AGTPBP1: variants seen among roughly 807,000 people sequenced by gnomAD.
The protein encoded by AGTPBP1 is cytosolic carboxypeptidase 1.
In AGTPBP1, 70 loss-of-function variants were observed where a neutral mutation model predicts 143.9. The observed-to-expected ratio is 0.49, with a 90% CI of 0.40 to 0.59. AGTPBP1 has a LOEUF of 0.59. Among genes scored for constraint, AGTPBP1 ranks in the 20% least tolerant of loss-of-function variants. AGTPBP1 has a pLI of 0.00. For missense variants in AGTPBP1, 1,229 were observed against 1,464.5 expected, an observed-to-expected ratio of 0.84 and a Z score of 2.62; for synonymous variants, 463 against 500.2, an observed-to-expected ratio of 0.93 and a Z score of 0.99.
In AGTPBP1 at chr9:85,712,697, C is replaced by G. The variant is rs41310075; in HGVS notation, c.-33-131G>C. On this transcript the variant is annotated intron_variant, in intron 1 of 25. Transcript: ENST00000357081. ...GATAACACCGGAAACAAAAAGAGAA[C>G]ATTTGAGTTCTATGTGCTTCTACTG... is the stretch of plus-strand genomic sequence containing the variant. The G allele has an allele frequency of 3.5e-3, 1,451 of 412,604 alleles. 6 individuals are homozygous for G. The highest frequency in any genetic ancestry group is 5.0e-3 in the Non-Finnish European group (1,172 of 235,918). 25.6% of individuals were successfully genotyped at this position (412,604 alleles called of 1,614,324 possible). A position where few individuals can be genotyped will look rare whatever the true frequency, so the allele number is the denominator to read the frequency against.
chr9:85,683,539 TA>T (rs1835317558), intron 3 of AGTPBP1, among the ~76,000 whole-genome samples: 1 of 152,208 alleles, frequency 6.6e-6, no homozygotes, highest in African/African-American at 2.4e-5. Context: ...CACCTCACAC[TA>T]AATGAAAATT....
the AGTPBP1 span, among the ~76,000 whole-genome samples, chr9:85,797,701 TAAC>T: frequency 6.6e-6 from 1 of 151,744 alleles, no homozygotes; most frequent in Non-Finnish European, 1.5e-5. Context: ...TAAAATACAC[TAAC>T]AATAGCTGAT....
the AGTPBP1 span, among the ~76,000 whole-genome samples, chr9:85,764,135 T>G: frequency 1.3e-5 from 2 of 151,424 alleles, no homozygotes; most frequent in Non-Finnish European, 2.9e-5. Context: ...AAAAGAAAAA[T>G]ACTGCCTCTG....
At chr9:85,756,989 G>A in the AGTPBP1 span, among the ~76,000 whole-genome samples, 3 of 151,456 alleles carry the variant, frequency 2.0e-5, no homozygotes, top group Non-Finnish European at 2.9e-5. Flanking sequence ...TAATAGGTGT[G>A]GGGTTTCTTT....
intron 12 of AGTPBP1, among the ~76,000 whole-genome samples, chr9:85,644,573 G>GA (rs1832700411): frequency 6.6e-6 from 1 of 151,946 alleles, no homozygotes; most frequent in Non-Finnish European, 1.5e-5. Flanking sequence ...AGACTCATTA[G>GA]AAAAAAACAA....
At chr9:85,574,438 C>G (rs1004876728) in intron 25 of AGTPBP1, among the ~76,000 whole-genome samples, 32 of 149,508 alleles carry the variant, frequency 2.1e-4, no homozygotes, top group Non-Finnish European at 3.8e-4. Context: ...CCAAATCCCC[C>G]CTGCGAGAAA....
At chr9:85,571,948 T>C (rs1827495058) in intron 25 of AGTPBP1, among the ~76,000 whole-genome samples, 1 of 145,402 alleles carries the variant, frequency 6.9e-6, no homozygotes, top group South Asian at 2.2e-4. Flanking sequence ...AGAGCTACAG[T>C]AAAATCTCAA....
At chr9:85,679,740 A>C (rs141128279) in intron 4 of AGTPBP1, among the ~76,000 whole-genome samples, 1 of 152,310 alleles carries the variant, frequency 6.6e-6, no homozygotes, top group East Asian at 1.9e-4. Context: ...ATGTCAAAGA[A>C]ATTATGTAAG....
At chr9:85,601,981 C>T (rs577528734) in intron 17 of AGTPBP1, among the ~76,000 whole-genome samples, 2 of 152,134 alleles carry the variant, frequency 1.3e-5, no homozygotes, top group East Asian at 3.9e-4. Flanking sequence ...GTATCATAGA[C>T]TTGCCTTCAG....
chr9:85,683,492 A>C (rs1406917685), intron 3 of AGTPBP1, among the ~76,000 whole-genome samples: 1 of 152,214 alleles, frequency 6.6e-6, no homozygotes, highest in Non-Finnish European at 1.5e-5. Context: ...AGTATAATGC[A>C]GCCTCCCCTT....
intron 2 of AGTPBP1, among the ~76,000 whole-genome samples, chr9:85,697,744 G>T (rs7861616): frequency 1.2e-4 from 19 of 152,014 alleles, no homozygotes; most frequent in African/African-American, 4.1e-4. Flanking sequence ...GAGCCACTGC[G>T]CCCAGCCCTT....
intron 1 of AGTPBP1, among the ~76,000 whole-genome samples, chr9:85,721,522 G>T: frequency 7.0e-6 from 1 of 141,846 alleles, no homozygotes; most frequent in African/African-American, 2.6e-5. Context: ...CCATTTGCTT[G>T]GTAGATCTTC....
intron 17 of AGTPBP1, among the ~76,000 whole-genome samples, chr9:85,606,392 GAAAAA>G (rs34239208): frequency 7.7e-6 from 1 of 129,244 alleles, no homozygotes; most frequent in African/African-American, 2.7e-5. Context: ...ATTAAAAAGA[GAAAAA>G]AAAAAAAAGA....
the AGTPBP1 span, among the ~76,000 whole-genome samples, chr9:85,795,885 C>T: frequency 6.9e-5 from 6 of 86,510 alleles, no homozygotes; most frequent in Admixed American, 1.6e-4. Context: ...TTTTTTGAGA[C>T]GGAGGCTGGT....
At chr9:85,799,366 A>C in the AGTPBP1 span, among the ~76,000 whole-genome samples, 1 of 152,164 alleles carries the variant, frequency 6.6e-6, no homozygotes, top group Non-Finnish European at 1.5e-5. Flanking sequence ...TTGCTGGGTC[A>C]AATGGTATAT....
chr9:85,748,246 TC>T, the AGTPBP1 span, among the ~76,000 whole-genome samples: 7 of 152,306 alleles, frequency 4.6e-5, no homozygotes, highest in East Asian at 1.3e-3. Flanking sequence ...TGAAGTATTT[TC>T]CCCTTGCCTT....
rs58719163 is a variant in AGTPBP1 at position 85,689,925 on chromosome 9, A to AAAAAATATAT, written c.157+2763_157+2764insATATATTTTT. 4.8e-4 allele frequency among the ~76,000 whole-genome samples: 35 copies of AAAAAATATAT among 72,502 alleles called. 1 individual carries two copies. The highest frequency in any genetic ancestry group is 2.1e-3 in the African/African-American group (31 of 14,516). 47.6% of individuals were successfully genotyped at this position (72,502 alleles called of 152,430 possible). On this transcript the variant is annotated intron_variant, in intron 3 of 25. Transcript: ENST00000357081. Reference sequence around the variant, plus strand: ...AAAAAAAAAAAAAAAAAAAAAAAAAAATATATATATATATATATATATCTT... The same window carrying AAAAAATATAT: ...AAAAAAAAAAAAAAAAAAAAAAAAAAAAAAATATATATATATATATATATATATATATCTT...
intron 8 of AGTPBP1, among the ~76,000 whole-genome samples, chr9:85,669,014 T>TACACATAC (rs1834317128): frequency 8.3e-6 from 1 of 120,514 alleles, no homozygotes; most frequent in African/African-American, 3.0e-5. Context: ...TGTGTATACA[T>TACACATAC]ACACACACAC....
the AGTPBP1 span, among the ~76,000 whole-genome samples, chr9:85,790,668 G>T: frequency 2.0e-5 from 3 of 152,192 alleles, no homozygotes; most frequent in Non-Finnish European, 4.4e-5. Context: ...TGAGTCAACA[G>T]AATTGGCACT....
Sources: gnomAD v4.1 joint callset for allele counts (sites outside exome capture counted in the v4.1 genomes callset) on GRCh38, gnomAD v4.1.1 for gene constraint, MANE v1.5 for transcripts, NCBI Gene and HGNC (gene_info 2026-07-23, HGNC 2026-07-21) for gene names.